SCARA5: variants seen among roughly 807,000 people sequenced by gnomAD.
SCARA5 encodes scavenger receptor class A, member 5 (putative).
Under a neutral mutation model 46.3 loss-of-function variants are expected in SCARA5, and 45 were observed. That is an observed-to-expected ratio of 0.97 (90% CI 0.76 to 1.24). The LOEUF (loss-of-function observed/expected upper bound fraction) is 1.24, where lower values mean the gene tolerates loss of function less well. Among genes scored for constraint, SCARA5 ranks in the 50% most tolerant of loss-of-function variants. SCARA5 has a pLI of 0.00. For synonymous variants in SCARA5, 333 were observed against 306.5 expected, an observed-to-expected ratio of 1.09 and a Z score of -0.90; for missense variants, 680 against 689.0, an observed-to-expected ratio of 0.99 and a Z score of 0.15.
intron 3 of SCARA5, among the ~76,000 whole-genome samples, chr8:27,957,364 T>G (rs1224423874): frequency 3.3e-5 from 5 of 152,238 alleles, no homozygotes; most frequent in African/African-American, 1.2e-4. Flanking sequence ...ACATCCCACC[T>G]GCTGAACACT....
intron 7 of SCARA5, among the ~76,000 whole-genome samples, chr8:27,891,027 TGA>T (rs1344918752): frequency 6.6e-6 from 1 of 152,084 alleles, no homozygotes; most frequent in African/African-American, 2.4e-5. Context: ...CTCGCAAGTC[TGA>T]GAGGCATTTC....
chr8:27,920,774 C>G (rs1367606464), intron 4 of SCARA5, among the ~76,000 whole-genome samples: 1 of 152,098 alleles, frequency 6.6e-6, no homozygotes, highest in Admixed American at 6.5e-5. Flanking sequence ...CACTGCCCCC[C>G]AGCCTGGGCA....
At chr8:27,913,363 G>A (rs1041506813) in intron 4 of SCARA5, among the ~76,000 whole-genome samples, 6 of 152,142 alleles carry the variant, frequency 3.9e-5, no homozygotes, top group East Asian at 3.9e-4. Context: ...CAGGGGCTCC[G>A]AGGACCAAGT....
At chr8:27,966,269 A>T in intron 3 of SCARA5, 145 bp downstream of exon 3, 1 of 810,504 alleles carries the variant, frequency 1.2e-6, no homozygotes, top group Non-Finnish European at 1.9e-6. Flanking sequence ...AAGCAATACT[A>T]CTGAAGAGCT....
At chr8:27,914,400 C>G (rs1362117013) in intron 4 of SCARA5, among the ~76,000 whole-genome samples, 1 of 152,226 alleles carries the variant, frequency 6.6e-6, no homozygotes, top group Non-Finnish European at 1.5e-5. Flanking sequence ...GTGGGGAGAT[C>G]CTCGTGCACA....
At chr8:27,946,556 C>T (rs1808039993) in intron 3 of SCARA5, among the ~76,000 whole-genome samples, 1 of 152,356 alleles carries the variant, frequency 6.6e-6, no homozygotes, top group Non-Finnish European at 1.5e-5. Flanking sequence ...GTAACTACAT[C>T]TATTGTTTAA....
At chr8:27,921,403 T>C (rs1807580936) in intron 4 of SCARA5, among the ~76,000 whole-genome samples, 168 bp downstream of exon 4, 1 of 152,046 alleles carries the variant, frequency 6.6e-6, no homozygotes, top group South Asian at 2.1e-4. Context: ...GGGCAGAAAA[T>C]TCCAGAGTCC....
chr8:27,900,259 C>G (rs1807129692), intron 7 of SCARA5, among the ~76,000 whole-genome samples: 1 of 152,224 alleles, frequency 6.6e-6, no homozygotes, highest in Non-Finnish European at 1.5e-5. Context: ...TCCCGGGCAC[C>G]TGGTACAGCA....
intron 7 of SCARA5, among the ~76,000 whole-genome samples, chr8:27,887,420 G>T (rs1203390786): frequency 6.6e-5 from 10 of 152,148 alleles, no homozygotes; most frequent in Non-Finnish European, 1.5e-4. Context: ...TTCATGGTTT[G>T]CAAGTTAAGA....
chr8:27,892,755 G>A (rs1464960838), intron 7 of SCARA5, among the ~76,000 whole-genome samples: 1 of 152,012 alleles, frequency 6.6e-6, no homozygotes, highest in African/African-American at 2.4e-5. Context: ...ACAGGCGCCC[G>A]CCACCACGAC....
intron 3 of SCARA5, among the ~76,000 whole-genome samples, chr8:27,961,459 C>A (rs576100010): frequency 6.6e-6 from 1 of 152,318 alleles, no homozygotes; most frequent in Admixed American, 6.5e-5. Context: ...GCTTGTACAG[C>A]CTACGAAACC....
chr8:27,967,799 G>C (rs945341820), intron 2 of SCARA5, among the ~76,000 whole-genome samples: 1 of 152,156 alleles, frequency 6.6e-6, no homozygotes, highest in African/African-American at 2.4e-5. Flanking sequence ...TGTAATCCCA[G>C]CTACTTGGGA....
chr8:27,943,607 C>T (rs1026875679), intron 3 of SCARA5, among the ~76,000 whole-genome samples: 4 of 152,286 alleles, frequency 2.6e-5, no homozygotes, highest in East Asian at 3.9e-4. Flanking sequence ...CCACTATGAC[C>T]GACTTCAAGC....
At chr8:27,913,644 TTATAAGAA>T (rs1807414170) in intron 4 of SCARA5, among the ~76,000 whole-genome samples, 2 of 152,182 alleles carry the variant, frequency 1.3e-5, no homozygotes, top group African/African-American at 2.4e-5. Context: ...GCTCTGGCCT[TTATAAGAA>T]CCTCCCTGTC....
intron 2 of SCARA5, among the ~76,000 whole-genome samples, chr8:27,985,239 G>T (rs547556250): frequency 1.3e-4 from 20 of 152,290 alleles, no homozygotes; most frequent in Non-Finnish European, 2.2e-4. Flanking sequence ...AGGCCTCGCA[G>T]AAGGTGGGAG....
At chr8:27,896,537 T>C (rs538130635) in intron 7 of SCARA5, among the ~76,000 whole-genome samples, 1 of 152,246 alleles carries the variant, frequency 6.6e-6, no homozygotes, top group Non-Finnish European at 1.5e-5. Context: ...GATGACGACA[T>C]ACCCCAGAGT....
intron 3 of SCARA5, 87 bp from the exon 4 acceptor site, chr8:27,922,332 T>G (rs1807612423): frequency 4.8e-5 from 40 of 840,590 alleles, no homozygotes; most frequent in Non-Finnish European, 7.1e-5. Flanking sequence ...GAGCCTGGCA[T>G]GCAGTAGGTG....
intron 3 of SCARA5, among the ~76,000 whole-genome samples, chr8:27,943,944 T>G (rs1271048874): frequency 6.6e-6 from 1 of 152,194 alleles, no homozygotes; most frequent in South Asian, 2.1e-4. Context: ...AAATTTACCT[T>G]AACCAAATTT....
intron 7 of SCARA5, among the ~76,000 whole-genome samples, chr8:27,900,440 G>T (rs746995943): frequency 1.3e-5 from 2 of 152,308 alleles, no homozygotes; most frequent in Non-Finnish European, 2.9e-5. Context: ...GGTGCCCACA[G>T]CTCCCCTCGT....
Sources: allele counts gnomAD v4.1 joint callset (sites outside exome capture counted in the v4.1 genomes callset), GRCh38; gene constraint gnomAD v4.1.1; transcripts MANE v1.5; gene names NCBI Gene and HGNC (gene_info 2026-07-23, HGNC 2026-07-21).